Variants in MAP4K5 observed in about 807,000 individuals in gnomAD.
MAP4K5 encodes mitogen-activated protein kinase kinase kinase kinase 5, also known as MAPK/ERK kinase kinase kinase 5.
In MAP4K5, 82 loss-of-function variants were observed where a neutral mutation model predicts 135.6. That is an observed-to-expected ratio of 0.60 (90% CI 0.51 to 0.73). MAP4K5 has a LOEUF of 0.73. Among genes scored for constraint, MAP4K5 ranks in the 30% least tolerant of loss-of-function variants. The probability of loss-of-function intolerance (pLI) is 0.00; values close to 1 mark genes in which losing one functional copy is unlikely to be tolerated. For missense variants in MAP4K5, 907 were observed against 1,010.9 expected, an observed-to-expected ratio of 0.90 and a Z score of 1.39; for synonymous variants, 347 against 335.0, an observed-to-expected ratio of 1.04 and a Z score of -0.39.
At chr14:50,448,941 AAAG>A (rs1772160168) in intron 14 of MAP4K5, 109 bp from the exon 15 acceptor site, 2 of 652,036 alleles carry the variant, frequency 3.1e-6, no homozygotes, top group African/African-American at 1.9e-5. Context: ...AGAAGAGGGG[AAAG>A]AAGACAAAAA....
At chr14:50,543,465 G>A (rs1211100870) in intron 1 of MAP4K5, among the ~76,000 whole-genome samples, 1 of 152,216 alleles carries the variant, frequency 6.6e-6, no homozygotes, top group African/African-American at 2.4e-5. Context: ...ATGGGCTTAT[G>A]GAATGCCTTG....
intron 15 of MAP4K5, among the ~76,000 whole-genome samples, chr14:50,448,472 T>C (rs2036408246): frequency 6.9e-6 from 1 of 144,072 alleles, no homozygotes; most frequent in Admixed American, 6.9e-5. Context: ...CAGAATCAGT[T>C]AAAAAAAAAA....
At chr14:50,473,017 G>C (rs2037001446) in intron 9 of MAP4K5, among the ~76,000 whole-genome samples, 1 of 152,066 alleles carries the variant, frequency 6.6e-6, no homozygotes, top group Non-Finnish European at 1.5e-5. Context: ...AAAATATTGA[G>C]GTGAGAATTC....
At chr14:50,439,729 T>C (rs750143631) in intron 23 of MAP4K5, among the ~76,000 whole-genome samples, 2 of 152,054 alleles carry the variant, frequency 1.3e-5, no homozygotes, top group Non-Finnish European at 2.9e-5. Flanking sequence ...ACAGTGATAG[T>C]GGAGGAGGCT....
chr14:50,471,021 T>G (rs886964062), intron 9 of MAP4K5, among the ~76,000 whole-genome samples: 8 of 152,294 alleles, frequency 5.3e-5, no homozygotes, highest in African/African-American at 1.9e-4. Context: ...CCTTCAACTT[T>G]TATTTTAAGT....
At chr14:50,521,036 G>T (rs977259256) in intron 2 of MAP4K5, among the ~76,000 whole-genome samples, 1 of 152,030 alleles carries the variant, frequency 6.6e-6, no homozygotes, top group African/African-American at 2.4e-5. Flanking sequence ...GGCCAGGCTG[G>T]TCTCAAACTC....
upstream of MAP4K5, among the ~76,000 whole-genome samples, chr14:50,533,577 C>T (rs1402333785): frequency 6.6e-6 from 1 of 152,022 alleles, no homozygotes; most frequent in Non-Finnish European, 1.5e-5. Context: ...ATTAAGTTGC[C>T]AGTGTTACAT....
intron 2 of MAP4K5, among the ~76,000 whole-genome samples, chr14:50,526,767 T>C (rs1301902463): frequency 1.3e-5 from 2 of 152,186 alleles, no homozygotes; most frequent in Admixed American, 6.5e-5. Context: ...AAATGGGATC[T>C]TGGGATATGT....
intron 5 of MAP4K5, among the ~76,000 whole-genome samples, chr14:50,484,436 C>T (rs1431200245): frequency 1.3e-5 from 2 of 152,038 alleles, no homozygotes; most frequent in African/African-American, 4.8e-5. Context: ...GCTTTGCTTT[C>T]CCTCTCCTCT....
intron 10 of MAP4K5, 66 bp downstream of exon 10, chr14:50,468,580 CTGAGT>C (rs2036884723): frequency 6.8e-7 from 1 of 1,460,830 alleles, no homozygotes; most frequent in South Asian, 1.2e-5. Flanking sequence ...GAGCTTGATG[CTGAGT>C]TATCAGCATT....
At chr14:50,461,106 A>G (rs2036701423) in intron 13 of MAP4K5, among the ~76,000 whole-genome samples, 1 of 151,920 alleles carries the variant, frequency 6.6e-6, no homozygotes, top group Non-Finnish European at 1.5e-5. Flanking sequence ...GCTCACTGCA[A>G]CCTCTGCCTC....
chr14:50,450,303 A>AT (rs1308410911), intron 14 of MAP4K5: 1 of 152,234 alleles, frequency 6.6e-6, no homozygotes, highest in East Asian at 1.9e-4. Context: ...ATCTACATGT[A>AT]AACATATATA....
At chr14:50,456,124 A>G (rs905923685) in intron 14 of MAP4K5, among the ~76,000 whole-genome samples, 2 of 152,162 alleles carry the variant, frequency 1.3e-5, no homozygotes, top group Non-Finnish European at 1.5e-5. Context: ...TAATATATGG[A>G]AATTAATTCT....
intron 2 of MAP4K5, among the ~76,000 whole-genome samples, chr14:50,516,005 C>T (rs1451570969): frequency 6.6e-6 from 1 of 152,170 alleles, no homozygotes; most frequent in Non-Finnish European, 1.5e-5. Flanking sequence ...TCAAATTTAC[C>T]GTATCCACCA....
chr14:50,498,770 C>A (rs1013203230), intron 3 of MAP4K5, among the ~76,000 whole-genome samples: 1 of 152,046 alleles, frequency 6.6e-6, no homozygotes, highest in Non-Finnish European at 1.5e-5. Flanking sequence ...TTATGTATTA[C>A]CAGACATAAG....
intron 22 of MAP4K5, 103 bp downstream of exon 22, chr14:50,440,259 T>A: frequency 1.2e-6 from 1 of 823,508 alleles, no homozygotes; most frequent in Non-Finnish European, 1.9e-6. Context: ...AATATTTAAA[T>A]CATAAAAATT....
intron 2 of MAP4K5, among the ~76,000 whole-genome samples, chr14:50,531,169 C>G (rs568566815): frequency 6.6e-5 from 10 of 152,188 alleles, no homozygotes; most frequent in Non-Finnish European, 7.3e-5. Context: ...AAGAACTCAG[C>G]GGATTTGGGG....
rs147714783 is a variant in MAP4K5 at position 50,463,599 on chromosome 14, G to A, written c.819+453C>T. Among the ~76,000 whole-genome samples, 4 of 152,122 alleles carry A rather than the reference G, an allele frequency of 2.6e-5. No homozygotes were observed. The East Asian group carries it at 7.7e-4, about 29-fold the overall frequency. ...TATGTGACCCGCCTATAGAAAATTT[G>A]CTGGTCAGGCATGGTGGCTCATGCC... On this transcript the variant is annotated intron_variant, in intron 12 of 32. Coordinates refer to ENST00000682126, the MANE Select transcript of MAP4K5 (RefSeq NM_006575.6).
At chr14:50,426,645 AC>A (rs1337892458) in intron 30 of MAP4K5, among the ~76,000 whole-genome samples, 4 of 152,138 alleles carry the variant, frequency 2.6e-5, no homozygotes, top group African/African-American at 9.7e-5. Context: ...AATTGCTTGA[AC>A]CCCACAGGTG....
Sources: gnomAD v4.1 joint callset for allele counts (sites outside exome capture counted in the v4.1 genomes callset) on GRCh38, gnomAD v4.1.1 for gene constraint, MANE v1.5 for transcripts, NCBI Gene and HGNC (gene_info 2026-07-23, HGNC 2026-07-21) for gene names.